COL28A1: variants seen among roughly 807,000 people sequenced by gnomAD.
The protein encoded by COL28A1 is collagen alpha-1(XXVIII) chain.
A neutral mutation model predicts 150.2 loss-of-function variants in COL28A1; 161 were observed. The observed-to-expected ratio is 1.07, with a 90% CI of 0.94 to 1.22. The LOEUF is 1.22. COL28A1 is among the 50% of genes most tolerant of loss of function. The pLI, the probability that COL28A1 is intolerant of heterozygous loss-of-function variation, is 0.00. For synonymous variants in COL28A1, 552 were observed against 469.7 expected, an observed-to-expected ratio of 1.18 and a Z score of -2.26; for missense variants, 1,617 against 1,388.3, an observed-to-expected ratio of 1.16 and a Z score of -2.62.
chr7:7,394,139 A>G (rs576725814), intron 27 of COL28A1, among the ~76,000 whole-genome samples: 1 of 152,140 alleles, frequency 6.6e-6, no homozygotes, highest in African/African-American at 2.4e-5. Context: ...ACCAGAGTGC[A>G]CCGTTCCTCA....
intron 33 of COL28A1, among the ~76,000 whole-genome samples, chr7:7,370,189 C>T (rs915009997): frequency 6.6e-6 from 1 of 152,194 alleles, no homozygotes; most frequent in Non-Finnish European, 1.5e-5. Flanking sequence ...ATCTACTTTG[C>T]ACCATATGCA....
At chr7:7,511,505 T>A (rs1291660471) in intron 8 of COL28A1, 1 of 275,464 alleles carries the variant, frequency 3.6e-6, no homozygotes, top group Non-Finnish European at 7.1e-6. Context: ...ATCATTCTTA[T>A]TTTATAATTG....
intron 18 of COL28A1, among the ~76,000 whole-genome samples, chr7:7,449,744 G>C (rs1443909319): frequency 6.6e-6 from 1 of 151,506 alleles, no homozygotes; most frequent in Non-Finnish European, 1.5e-5. Context: ...AAAAGATATA[G>C]AAAAAAAATT....
chr7:7,403,638 T>G (rs1783338719), intron 27 of COL28A1, among the ~76,000 whole-genome samples: 1 of 152,170 alleles, frequency 6.6e-6, no homozygotes, highest in Admixed American at 6.5e-5. Flanking sequence ...CCTGGTAATG[T>G]GACTTATAAT....
intron 25 of COL28A1, among the ~76,000 whole-genome samples, chr7:7,427,887 G>C (rs1784734973): frequency 6.6e-6 from 1 of 152,168 alleles, no homozygotes; most frequent in South Asian, 2.1e-4. Context: ...ATAGGAGATT[G>C]AGCATCTGTG....
intron 27 of COL28A1, among the ~76,000 whole-genome samples, chr7:7,408,870 T>A (rs1332320889): frequency 1.3e-5 from 2 of 152,160 alleles, no homozygotes; most frequent in Admixed American, 6.5e-5. Context: ...AAATTTTGAG[T>A]GACACTTTGT....
chr7:7,518,634 T>C (rs7789187), intron 6 of COL28A1, among the ~76,000 whole-genome samples: 148,437 of 152,258 alleles, frequency 0.97, 72,374 homozygotes, highest in East Asian at 1. Context: ...TCAAGTTACC[T>C]GCAATGAAAA....
chr7:7,504,587 C>T (rs978964800), intron 11 of COL28A1, among the ~76,000 whole-genome samples: 1 of 152,166 alleles, frequency 6.6e-6, no homozygotes, highest in African/African-American at 2.4e-5. Context: ...CCACAACTGC[C>T]AGCCACGACC....
the COL28A1 span, among the ~76,000 whole-genome samples, chr7:7,348,693 G>A: frequency 6.6e-6 from 1 of 151,450 alleles, no homozygotes; most frequent in Non-Finnish European, 1.5e-5. Context: ...TAAGGTGGAC[G>A]CTTAAGTCAT....
chr7:7,437,353 A>G lies in COL28A1; in HGVS notation c.1791+41T>C, dbSNP rs1370861763. 1.2e-5 allele frequency: 19 copies of G among 1,575,262 alleles called. No individual in the cohort carries two copies. In the African/African-American group the frequency reaches 2.5e-4, roughly 20 times the overall value. ...CATGATTTTTTTTTCTCCAACTGCC[A>G]AAGGGTCAAGAAAAAGAAAATAATC... On this transcript the variant is annotated intron_variant, in intron 22 of 34. Transcript: ENST00000399429.
chr7:7,397,231 G>C (rs1003304993), intron 27 of COL28A1, among the ~76,000 whole-genome samples: 9 of 152,096 alleles, frequency 5.9e-5, no homozygotes, highest in Non-Finnish European at 1.2e-4. Flanking sequence ...GTGGCCACCT[G>C]TATTCAACAG....
intron 27 of COL28A1, among the ~76,000 whole-genome samples, chr7:7,411,892 CG>C (rs1203768417): frequency 1.3e-5 from 2 of 152,188 alleles, no homozygotes; most frequent in Admixed American, 6.5e-5. Context: ...AGGAGAATGA[CG>C]GGGCATTCTG....
rs398085558 is a variant in COL28A1 at position 7,373,715 on chromosome 7, T to TG, written c.2360-170_2360-169insC. 2.6e-5 allele frequency among the ~76,000 whole-genome samples: 4 copies of TG among 151,336 alleles called. No individual in the cohort carries two copies. The highest frequency in any genetic ancestry group is 5.9e-5 in the Non-Finnish European group (4 of 67,790). ...TCTCCATTCTGGTTTCTTTTTTTTTTTGTGAGACAGAGTCTCGCTGTCGCC... is the reference window on the plus strand; with the variant it reads ...TCTCCATTCTGGTTTCTTTTTTTTTTGTGTGAGACAGAGTCTCGCTGTCGCC... On this transcript the variant is annotated intron_variant, in intron 31 of 34. Transcript: ENST00000399429. The surrounding 1 kb of genome is among the most constrained non-coding windows in gnomAD (Gnocchi z 4.1).
At chr7:7,392,620 G>A (rs982198986) in intron 27 of COL28A1, among the ~76,000 whole-genome samples, 3 of 152,132 alleles carry the variant, frequency 2.0e-5, no homozygotes, top group African/African-American at 4.8e-5. Context: ...CCAATCAAAC[G>A]TAGGTTTGGT....
chr7:7,453,501 T>A lies in COL28A1; in HGVS notation c.1379A>T (p.Gln460Leu). 9.1e-7 allele frequency: 1 copy of A among 1,101,052 alleles called. No homozygotes were observed. The allele number at this position is 1,101,052 out of a possible 1,614,324, so 68.2% of individuals were successfully genotyped here. ...TGGACCAGGTGGACCAATAGGACCT[T>A]GGATTCCCTTTAAAATAAAATTTTA... ...GIGSQGEQGI[Q>L]GPIGPPGPQG... is the part of the protein sequence containing the mutation. Residue 460 changes from glutamine to leucine, a missense_variant, in exon 17 of 35, where the codon CAA (glutamine) becomes CTA (leucine). By Grantham distance (113) the Gln-to-Leu change is moderately radical. Coordinates refer to ENST00000399429, the MANE Select transcript of COL28A1 (RefSeq NM_001037763.3).
chr7:7,420,127 C>T, intron 25 of COL28A1, 174 bp from the exon 26 acceptor site: 1 of 397,602 alleles, frequency 2.5e-6, no homozygotes, highest in Admixed American at 4.2e-5. Context: ...CCAACAGATC[C>T]AGGTCCATTT....
intron 9 of COL28A1, among the ~76,000 whole-genome samples, chr7:7,508,011 T>C (rs1278723713): frequency 6.6e-6 from 1 of 152,056 alleles, no homozygotes. Context: ...GGCGGGCGGA[T>C]CACGAGGTCA....
At chr7:7,503,119 C>T (rs1231049118) in intron 11 of COL28A1, among the ~76,000 whole-genome samples, 1 of 152,128 alleles carries the variant, frequency 6.6e-6, no homozygotes, top group African/African-American at 2.4e-5. Flanking sequence ...AAAAGAAATG[C>T]ATTTATTTCA....
chr7:7,397,328 A>C (rs573459766), intron 27 of COL28A1, among the ~76,000 whole-genome samples: 3 of 152,172 alleles, frequency 2.0e-5, no homozygotes, highest in South Asian at 2.1e-4. Context: ...TCCCTCTTAT[A>C]AAGGACATTC....
Sources: gnomAD v4.1 joint callset for allele counts (sites outside exome capture counted in the v4.1 genomes callset) on GRCh38, gnomAD v4.1.1 for gene constraint, Gnocchi (gnomAD v3.1) non-coding constraint, MANE v1.5 for transcripts, NCBI Gene and HGNC (gene_info 2026-07-23, HGNC 2026-07-21) for gene names.